Variants in STAG1 observed in about 807,000 individuals in gnomAD.
STAG1 encodes STAG1 cohesin complex component, also known as cohesin subunit SA-1.
In STAG1, 26 loss-of-function variants were observed where a neutral mutation model predicts 170.9. The ratio of observed to expected loss-of-function variants is 0.15; its 90% confidence interval spans 0.11 to 0.21. The LOEUF (loss-of-function observed/expected upper bound fraction) is 0.21. STAG1 is among the 10% of genes least tolerant of loss of function. STAG1 has a pLI of 1.00. For synonymous variants in STAG1, 514 were observed against 497.7 expected (o/e 1.03, Z -0.44); for missense variants, 964 against 1,509.5 (o/e 0.64, Z 5.99).
intron 4 of STAG1, among the ~76,000 whole-genome samples, chr3:136,578,153 T>C (rs1937516879): frequency 6.6e-6 from 1 of 152,226 alleles, no homozygotes; most frequent in Admixed American, 6.5e-5. Context: ...CTCTTTTTTG[T>C]AAGCCAGATA....
intron 1 of STAG1, among the ~76,000 whole-genome samples, chr3:136,729,906 T>G (rs1323554347): frequency 2.5e-5 from 2 of 78,716 alleles, no homozygotes; most frequent in African/African-American, 1.4e-4. Context: ...TTTTTTTTTT[T>G]GAGACAGAGT....
At chr3:136,738,651 T>A (rs1303788213) in intron 1 of STAG1, among the ~76,000 whole-genome samples, 1 of 152,106 alleles carries the variant, frequency 6.6e-6, no homozygotes, top group Non-Finnish European at 1.5e-5. Flanking sequence ...CAAGACTGCT[T>A]TCCTCCTCTC....
chr3:136,604,421 G>A lies in STAG1; in HGVS notation c.185C>T (p.Ala62Val). 6.2e-7 allele frequency: 1 copy of A among 1,612,950 alleles called. No individual in the cohort carries two copies. Among genetic ancestry groups the A allele is most frequent in the Non-Finnish European group, 8.5e-7 (1 of 1,179,496 alleles). ...KSPGEKSRIE[A>V]GIRGAGRGRA... ...TCCACGGCCTGCTCCTCTAATTCCAGCTTCAATTCTGCTCTTCTCACCTGG... is the reference window on the plus strand; with the variant it reads ...TCCACGGCCTGCTCCTCTAATTCCAACTTCAATTCTGCTCTTCTCACCTGG... Residue 62 changes from alanine to valine, a missense_variant, in exon 4 of 34, where the codon GCT (alanine) becomes GTT (valine). By Grantham distance (64) the Ala-to-Val change is moderately conservative. Coordinates refer to ENST00000383202, the MANE Select transcript of STAG1 (RefSeq NM_005862.3).
chr3:136,597,036 C>T (rs1423906587), intron 4 of STAG1, among the ~76,000 whole-genome samples: 1 of 152,180 alleles, frequency 6.6e-6, no homozygotes, highest in Non-Finnish European at 1.5e-5. Flanking sequence ...GACCATGTCA[C>T]TGGCACCCCA....
At chr3:136,432,865 T>G (rs2088349041) in intron 16 of STAG1, among the ~76,000 whole-genome samples, 1 of 152,204 alleles carries the variant, frequency 6.6e-6, no homozygotes, top group Non-Finnish European at 1.5e-5. Flanking sequence ...AAACTACAGA[T>G]CTTATCGACC....
intron 1 of STAG1, among the ~76,000 whole-genome samples, chr3:136,650,618 A>G (rs1399597050): frequency 6.6e-6 from 1 of 152,236 alleles, no homozygotes; most frequent in Non-Finnish European, 1.5e-5. Flanking sequence ...TAGTCCAGGG[A>G]ACTTAAGATT....
At chr3:136,469,473 T>G (rs371890025) in intron 12 of STAG1, among the ~76,000 whole-genome samples, 32 of 152,206 alleles carry the variant, frequency 2.1e-4, no homozygotes, top group East Asian at 9.7e-4. Flanking sequence ...CACTGCTCAA[T>G]GAAATAAAAG....
intron 6 of STAG1, among the ~76,000 whole-genome samples, chr3:136,534,975 T>C (rs1272861110): frequency 6.6e-6 from 1 of 152,190 alleles, no homozygotes; most frequent in Non-Finnish European, 1.5e-5. Flanking sequence ...TATTCACAAT[T>C]GCAAAGATAT....
At chr3:136,508,900 GAGAGAGAGAC>G (rs1344079861) in intron 7 of STAG1, among the ~76,000 whole-genome samples, 1 of 152,246 alleles carries the variant, frequency 6.6e-6, no homozygotes, top group Non-Finnish European at 1.5e-5. Flanking sequence ...GAGAGAGAGA[GAGAGAGAGAC>G]AGAGACAGAG....
intron 15 of STAG1, among the ~76,000 whole-genome samples, chr3:136,441,968 C>T (rs1256407263): frequency 1.3e-5 from 2 of 152,054 alleles, no homozygotes; most frequent in Admixed American, 6.6e-5. Flanking sequence ...TAGGCCGAGG[C>T]GGGAGGATCA....
intron 9 of STAG1, among the ~76,000 whole-genome samples, chr3:136,494,911 G>A (rs775516529): frequency 8.6e-5 from 13 of 152,044 alleles, no homozygotes; most frequent in Non-Finnish European, 1.9e-4. Flanking sequence ...TGGTTCACAA[G>A]GTAATTACAA....
chr3:136,400,279 G>C (rs2087281642), intron 21 of STAG1, among the ~76,000 whole-genome samples: 1 of 152,032 alleles, frequency 6.6e-6, no homozygotes, highest in Non-Finnish European at 1.5e-5. Context: ...CCAGGCTGCA[G>C]TGCAGTGGCG....
chr3:136,712,160 G>A (rs907017154), intron 1 of STAG1, among the ~76,000 whole-genome samples: 1 of 152,150 alleles, frequency 6.6e-6, no homozygotes. Flanking sequence ...TGGGATTACA[G>A]GCGCACGCCA....
chr3:136,484,872 C>A (rs540935235), intron 9 of STAG1, among the ~76,000 whole-genome samples: 3 of 151,738 alleles, frequency 2.0e-5, no homozygotes, highest in Non-Finnish European at 4.4e-5. Context: ...TTCTTTGACT[C>A]GGAAAGGGAA....
intron 4 of STAG1, among the ~76,000 whole-genome samples, chr3:136,582,204 G>A (rs1269488860): frequency 3.6e-5 from 5 of 137,384 alleles, no homozygotes; most frequent in Admixed American, 3.1e-4. Context: ...TTGTGTGGGG[G>A]TTGAAGAGGT....
At chr3:136,517,461 T>C (rs569212906) in intron 7 of STAG1, among the ~76,000 whole-genome samples, 95 of 152,174 alleles carry the variant, frequency 6.2e-4, no homozygotes, top group African/African-American at 2.2e-3. Flanking sequence ...TAACAAAAAT[T>C]TGAAGTCAAC....
At position 136,652,537 on chromosome 3, in the gene STAG1, A is replaced by G. The variant is rs1576718003; in HGVS notation, c.-83-21556T>C. On this transcript the variant is annotated intron_variant, in intron 1 of 33. Coordinates refer to ENST00000383202, the MANE Select transcript of STAG1 (RefSeq NM_005862.3). ...ATTACCACTGCTACTGTTTAATAAAATAGTAAAGGTTCTGGCCAATGTTAT... is the reference window on the plus strand; with the variant it reads ...ATTACCACTGCTACTGTTTAATAAAGTAGTAAAGGTTCTGGCCAATGTTAT... 2.0e-5 allele frequency among the ~76,000 whole-genome samples: 3 copies of G among 152,334 alleles called. No individual in the cohort carries two copies. In the East Asian group the frequency reaches 5.8e-4, roughly 29 times the overall value.
rs201604227 is a variant in STAG1, at chr3:136,377,669, C to T, written c.2361G>A (p.Val787=). ...QQCLSNVNTP[V]KEQAFMLLCD... ...ACTGATAATTTCTTACCTGTTCTTTCACTGGAGTATTAACATTAGACAGGC... is the reference window on the plus strand; with the variant it reads ...ACTGATAATTTCTTACCTGTTCTTTTACTGGAGTATTAACATTAGACAGGC... Residue 787 remains valine (V), a synonymous_variant, in exon 23 of 34, where the codon GTG becomes GTA. Transcript: ENST00000383202. 1.2e-6 allele frequency: 2 copies of T among 1,613,188 alleles called. No individual in the cohort carries two copies. The highest frequency in any genetic ancestry group is 2.2e-5 in the East Asian group (1 of 44,832).
chr3:136,675,907 T>A (rs1214104537), intron 1 of STAG1, among the ~76,000 whole-genome samples: 1 of 152,250 alleles, frequency 6.6e-6, no homozygotes, highest in Non-Finnish European at 1.5e-5. Flanking sequence ...ATGCATTTTC[T>A]CAGAAAATTT....
Sources: allele counts gnomAD v4.1 joint callset (sites outside exome capture counted in the v4.1 genomes callset), GRCh38; gene constraint gnomAD v4.1.1; transcripts MANE v1.5; gene names NCBI Gene and HGNC (gene_info 2026-07-23, HGNC 2026-07-21).